Variants in CPLX2 observed in about 807,000 individuals in gnomAD.
CPLX2 encodes the protein complexin-2.
A neutral mutation model predicts 16.3 loss-of-function variants in CPLX2; 5 were observed. That is an observed-to-expected ratio of 0.31 (90% CI 0.16 to 0.64). The LOEUF is 0.64. Among genes scored for constraint, CPLX2 ranks in the 30% least tolerant of loss-of-function variants. CPLX2 has a pLI of 0.79. For synonymous variants in CPLX2, 89 were observed against 73.2 expected (o/e 1.22, Z -1.10); for missense variants, 144 against 181.4 (o/e 0.79, Z 1.18).
Position 175,878,716 on chromosome 5 carries a change from G to C in CPLX2, c.-24G>C, listed in dbSNP as rs370297557. ...GCATGCAAATTCTGCCGTGGGCTAA[G>C]GCACGCTAACCAGAGCCGGCGGCAT... On this transcript the variant is annotated 5_prime_UTR_variant, in exon 2 of 4. Transcript: ENST00000393745. 9 of 1,612,348 alleles carry C rather than the reference G, an allele frequency of 5.6e-6. No homozygotes were observed. The African/African-American group carries it at 1.2e-4, about 22-fold the overall frequency.
intron 2 of CPLX2, among the ~76,000 whole-genome samples, chr5:175,816,407 C>A (rs929289995): frequency 6.6e-6 from 1 of 152,110 alleles, no homozygotes; most frequent in African/African-American, 2.4e-5. Flanking sequence ...ACCTTGTGAT[C>A]TGCCCGCCTC....
At chr5:175,806,790 G>A (rs539457423) in intron 1 of CPLX2, among the ~76,000 whole-genome samples, 9 of 152,092 alleles carry the variant, frequency 5.9e-5, no homozygotes, top group East Asian at 1.9e-4. Flanking sequence ...GAGCCACTGC[G>A]ACCAGCCTCA....
chr5:175,842,041 G>A (rs1278873364), intron 2 of CPLX2, among the ~76,000 whole-genome samples: 5 of 152,168 alleles, frequency 3.3e-5, no homozygotes, highest in African/African-American at 1.2e-4. Context: ...TCCCTTCCAG[G>A]GGCTAAGAAT....
At chr5:175,812,371 G>A (rs1758327553) in intron 2 of CPLX2, among the ~76,000 whole-genome samples, 1 of 152,186 alleles carries the variant, frequency 6.6e-6, no homozygotes, top group Non-Finnish European at 1.5e-5. Flanking sequence ...ACCAGTGTCT[G>A]TCTCTCACAC....
chr5:175,823,571 C>A (rs1758552392), intron 2 of CPLX2, among the ~76,000 whole-genome samples: 1 of 152,248 alleles, frequency 6.6e-6, no homozygotes, highest in South Asian at 2.1e-4. Context: ...GATAGATGAA[C>A]CCCAAGTTCG....
chr5:175,827,552 C>T (rs931569964), intron 2 of CPLX2, among the ~76,000 whole-genome samples: 14 of 152,094 alleles, frequency 9.2e-5, no homozygotes, highest in African/African-American at 2.9e-4. Flanking sequence ...GTCAGGAGTT[C>T]GAGACCAGCC....
intron 1 of CPLX2, among the ~76,000 whole-genome samples, chr5:175,874,686 C>T (rs576394340): frequency 2.6e-4 from 40 of 152,160 alleles, no homozygotes; most frequent in African/African-American, 9.6e-4. Flanking sequence ...TGACAACATC[C>T]AGCAGAGAGT....
At chr5:175,839,085 C>T (rs1758896242) in intron 2 of CPLX2, among the ~76,000 whole-genome samples, 1 of 152,074 alleles carries the variant, frequency 6.6e-6, no homozygotes, top group African/African-American at 2.4e-5. Context: ...TTTTTAGAGA[C>T]AAGAGTCACA....
chr5:175,805,362 A>G (rs1482543605), intron 1 of CPLX2: 1 of 152,254 alleles, frequency 6.6e-6, no homozygotes, highest in Non-Finnish European at 1.5e-5. Flanking sequence ...TCAGCAACAG[A>G]GAATCCGAGC....
intron 2 of CPLX2, among the ~76,000 whole-genome samples, chr5:175,843,096 G>C (rs541193036): frequency 7.2e-4 from 109 of 152,338 alleles, no homozygotes; most frequent in Non-Finnish European, 9.8e-4. Flanking sequence ...CAGCCAGTCA[G>C]GGTCAGCGGG....
chr5:175,818,650 CTTTTTTTTTTT>C (rs70988300), intron 2 of CPLX2, among the ~76,000 whole-genome samples: 3 of 50,808 alleles, frequency 5.9e-5, no homozygotes, highest in African/African-American at 2.2e-4. Flanking sequence ...CTGTCCCAAC[CTTTTTTTTTTT>C]TTTTTTTTTT....
At position 175,799,540 on chromosome 5, in the gene CPLX2, A is replaced by ATATATATATTTATATATATT. The variant is rs71702847; in HGVS notation, c.-169+2765_-169+2766insTTATATATATTTATATATAT. The stretch of plus-strand genomic sequence containing the variant: ...TCTTTGAGATCCCTTTGCAAATTTC[A>ATATATATATTTATATATATT]TATATATATATATATATATATATAT... On this transcript the variant is annotated intron_variant, in intron 1 of 4. Transcript: ENST00000359546. Among the ~76,000 whole-genome samples the ATATATATATTTATATATATT allele has an allele frequency of 4.6e-3, 130 of 28,224 alleles. 2 individuals carry two copies. Among genetic ancestry groups the ATATATATATTTATATATATT allele is most frequent in the East Asian group, 8.2e-3 (13 of 1,586 alleles). The allele number at this position is 28,224 out of a possible 152,430, so 18.5% of individuals were successfully genotyped here. A position where few individuals can be genotyped will look rare whatever the true frequency, so the allele number is the denominator to read the frequency against.
At position 175,863,534 on chromosome 5, in the gene CPLX2, AG is replaced by A. The variant is rs1759409281; in HGVS notation, c.-88-15117del. ...AGGGCCTGGGGATTAAATCAGATAA[AG>A]ATTATGAATCACCTTCCCCCATGAG... On this transcript the variant is annotated intron_variant, in intron 2 of 4. Coordinates refer to the CPLX2 transcript ENST00000359546. Among the ~76,000 whole-genome samples the A allele has an allele frequency of 1.3e-5, 2 of 152,364 alleles. 1 individual carries two copies. The highest frequency in any genetic ancestry group is 4.1e-4 in the South Asian group (2 of 4,834).
intron 1 of CPLX2, among the ~76,000 whole-genome samples, chr5:175,800,801 C>A (rs1421072244): frequency 6.6e-6 from 1 of 152,176 alleles, no homozygotes; most frequent in Non-Finnish European, 1.5e-5. Flanking sequence ...GGCTTACAGA[C>A]CCACAGTAGG....
chr5:175,880,290 AG>A lies in CPLX2; in HGVS notation c.*251del, dbSNP rs150763264. The A allele has an allele frequency of 1.4e-5, 8 of 574,636 alleles. No individual in the cohort carries two copies. The highest frequency in any genetic ancestry group is 2.6e-5 in the Admixed American group (1 of 38,252). The allele number at this position is 574,636 out of a possible 1,614,324, so 35.6% of individuals were successfully genotyped here. A position where few individuals can be genotyped will look rare whatever the true frequency, so the allele number is the denominator to read the frequency against. On this transcript the variant is annotated 3_prime_UTR_variant, in exon 4 of 4. Coordinates refer to ENST00000393745, the MANE Select transcript of CPLX2 (RefSeq NM_001008220.2). The stretch of plus-strand genomic sequence containing the variant: ...GGACAGTCTTTCCCCAGCAGGGGTC[AG>A]GGGGGCCCCTCAGGAAGCCTAAGGT...
intron 2 of CPLX2, among the ~76,000 whole-genome samples, chr5:175,862,810 G>A (rs747211606): frequency 6.6e-6 from 1 of 152,186 alleles, no homozygotes; most frequent in Non-Finnish European, 1.5e-5. Flanking sequence ...GGGACTGGGG[G>A]ACCAGATGTG....
At chr5:175,823,975 G>A (rs1016628185) in intron 2 of CPLX2, among the ~76,000 whole-genome samples, 5 of 152,104 alleles carry the variant, frequency 3.3e-5, no homozygotes, top group Non-Finnish European at 5.9e-5. Flanking sequence ...GTCCTCCTCC[G>A]CACAGGCCTG....
intron 1 of CPLX2, among the ~76,000 whole-genome samples, chr5:175,877,983 C>T (rs1755441755): frequency 6.6e-6 from 1 of 152,172 alleles, no homozygotes; most frequent in African/African-American, 2.4e-5. Flanking sequence ...AACACTCCCA[C>T]GTGAAATTCA....
intron 2 of CPLX2, among the ~76,000 whole-genome samples, chr5:175,824,415 T>C (rs925109741): frequency 6.6e-6 from 1 of 152,098 alleles, no homozygotes; most frequent in African/African-American, 2.4e-5. Flanking sequence ...ACCCCAGAGA[T>C]AGAAGAGCCC....
Sources: allele counts gnomAD v4.1 joint callset (sites outside exome capture counted in the v4.1 genomes callset), GRCh38; gene constraint gnomAD v4.1.1; transcripts MANE v1.5; gene names NCBI Gene and HGNC (gene_info 2026-07-23, HGNC 2026-07-21).